The following SAMD12 variants were observed in gnomAD, a reference collection of about 807,000 sequenced individuals.
SAMD12 encodes the protein sterile alpha motif domain-containing protein 12.
A neutral mutation model predicts 15.0 loss-of-function variants in SAMD12; 9 were observed. That is an observed-to-expected ratio of 0.60 (90% confidence interval 0.36 to 1.05). The LOEUF (loss-of-function observed/expected upper bound fraction) is 1.05, where lower values mean the gene tolerates loss of function less well. Ranked by LOEUF, SAMD12 falls within the 50% of genes least tolerant of loss-of-function variation. The probability of loss-of-function intolerance (pLI) is 0.01; values close to 1 mark genes in which losing one functional copy is unlikely to be tolerated. For missense variants in SAMD12, 230 were observed against 234.2 expected (o/e 0.98, Z 0.12); for synonymous variants, 86 against 90.1 (o/e 0.96, Z 0.25).
chr8:118,139,963 G>T, the SAMD12 span, among the ~76,000 whole-genome samples: 1 of 152,152 alleles, frequency 6.6e-6, no homozygotes, highest in Non-Finnish European at 1.5e-5. Flanking sequence ...CAGCTGGAAG[G>T]CGCTGGACTT....
chr8:118,415,448 G>GGTGTCT (rs1821636311), intron 3 of SAMD12, among the ~76,000 whole-genome samples: 1 of 142,858 alleles, frequency 7.0e-6, no homozygotes, highest in African/African-American at 2.6e-5. Flanking sequence ...CTTGTCCTAA[G>GGTGTCT]GTGTGTGTGT....
chr8:118,421,039 AG>A (rs1390034802), intron 3 of SAMD12, among the ~76,000 whole-genome samples: 1 of 152,232 alleles, frequency 6.6e-6, no homozygotes, highest in Admixed American at 6.5e-5. Flanking sequence ...TTACAAAAAA[AG>A]TTTGCCTAAA....
At chr8:118,489,982 G>A (rs1824395418) in intron 2 of SAMD12, among the ~76,000 whole-genome samples, 1 of 152,110 alleles carries the variant, frequency 6.6e-6, no homozygotes, top group Non-Finnish European at 1.5e-5. Context: ...AGATTAATAT[G>A]AGGGAGGAAT....
chr8:118,417,128 T>C (rs1012610232), intron 3 of SAMD12, among the ~76,000 whole-genome samples: 8 of 152,150 alleles, frequency 5.3e-5, no homozygotes, highest in African/African-American at 1.9e-4. Context: ...TATCTATTGC[T>C]GGAGTGCACT....
intron 3 of SAMD12, among the ~76,000 whole-genome samples, chr8:118,387,799 C>T (rs1032073113): frequency 2.0e-5 from 3 of 152,122 alleles, no homozygotes; most frequent in Non-Finnish European, 2.9e-5. Context: ...GTCAGGAAAA[C>T]GTCTTCATCT....
intron 2 of SAMD12, among the ~76,000 whole-genome samples, chr8:118,449,062 CTTTT>C (rs10717740): frequency 1.6e-5 from 2 of 126,780 alleles, no homozygotes. Context: ...CACAGGCAGT[CTTTT>C]TTTTTTTTTT....
intron 4 of SAMD12, among the ~76,000 whole-genome samples, chr8:118,358,907 C>T (rs182385711): frequency 1.6e-4 from 25 of 152,142 alleles, no homozygotes; most frequent in East Asian, 5.8e-4. Flanking sequence ...GTTAACACAT[C>T]CCATGTTAGA....
intron 1 of SAMD12, among the ~76,000 whole-genome samples, chr8:118,613,843 C>T (rs952396765): frequency 6.6e-6 from 1 of 152,104 alleles, no homozygotes; most frequent in African/African-American, 2.4e-5. Flanking sequence ...AGAGAGAGGC[C>T]AGCCTACAAA....
At chr8:118,394,687 A>T (rs547265127) in intron 3 of SAMD12, 1 of 152,230 alleles carries the variant, frequency 6.6e-6, no homozygotes, top group Non-Finnish European at 1.5e-5. Context: ...GGCCTGCAAC[A>T]GTCACCTAGT....
At chr8:118,281,293 C>A (rs144511099) in intron 4 of SAMD12, among the ~76,000 whole-genome samples, 8 of 152,254 alleles carry the variant, frequency 5.3e-5, no homozygotes, top group African/African-American at 1.9e-4. Context: ...CAGAACCCAG[C>A]GCTCTTTGAA....
intron 3 of SAMD12, among the ~76,000 whole-genome samples, chr8:118,427,895 T>A (rs1203286939): frequency 6.6e-6 from 1 of 152,178 alleles, no homozygotes; most frequent in Non-Finnish European, 1.5e-5. Context: ...ACATACAACA[T>A]ACATACAAGA....
At chr8:118,210,277 C>G (rs1375907192) in intron 4 of SAMD12, among the ~76,000 whole-genome samples, 1 of 152,100 alleles carries the variant, frequency 6.6e-6, no homozygotes, top group African/African-American at 2.4e-5. Flanking sequence ...TTATCAGTTC[C>G]GCTTTGAAAT....
intron 4 of SAMD12, among the ~76,000 whole-genome samples, chr8:118,315,316 T>G (rs1815836776): frequency 6.6e-6 from 1 of 152,202 alleles, no homozygotes; most frequent in Non-Finnish European, 1.5e-5. Flanking sequence ...AAGATAAACT[T>G]AACCACATAT....
chr8:118,201,097 C>T (rs555828253), intron 4 of SAMD12, among the ~76,000 whole-genome samples: 95 of 152,252 alleles, frequency 6.2e-4, no homozygotes, highest in African/African-American at 2.2e-3. Flanking sequence ...ATCATGTCTT[C>T]GGGTATATAA....
intron 2 of SAMD12, among the ~76,000 whole-genome samples, chr8:118,535,825 G>A (rs969736021): frequency 6.6e-6 from 1 of 152,302 alleles, no homozygotes; most frequent in African/African-American, 2.4e-5. Context: ...GGAGTGACCC[G>A]ATTTTCCAGG....
At chr8:118,460,707 G>A (rs1006097303) in intron 2 of SAMD12, among the ~76,000 whole-genome samples, 1 of 152,086 alleles carries the variant, frequency 6.6e-6, no homozygotes, top group African/African-American at 2.4e-5. Flanking sequence ...GGAGAAGGGC[G>A]GAAAAAGCTG....
At chr8:118,141,284 G>A in the SAMD12 span, among the ~76,000 whole-genome samples, 1 of 152,216 alleles carries the variant, frequency 6.6e-6, no homozygotes, top group Non-Finnish European at 1.5e-5. Flanking sequence ...CATATGTGTA[G>A]AGAAGATGCA....
intron 2 of SAMD12, among the ~76,000 whole-genome samples, chr8:118,567,521 CA>C: frequency 6.6e-6 from 1 of 152,254 alleles, no homozygotes; most frequent in East Asian, 1.9e-4. Flanking sequence ...ACACAATACA[CA>C]AGTTAGACAT....
At chr8:118,193,874 T>C (rs1819479292) in exon 5 of SAMD12, 1 of 152,154 alleles carries the variant, frequency 6.6e-6, no homozygotes, top group Non-Finnish European at 1.5e-5. Context: ...TTTCAAAGAT[T>C]AGATTTTTCA....
Sources: gnomAD v4.1 joint callset for allele counts (sites outside exome capture counted in the v4.1 genomes callset) on GRCh38, gnomAD v4.1.1 for gene constraint, MANE v1.5 for transcripts, NCBI Gene and HGNC (gene_info 2026-07-23, HGNC 2026-07-21) for gene names.